ARHGEF3: variants seen among roughly 807,000 people sequenced by gnomAD.
ARHGEF3 encodes the protein Rho guanine nucleotide exchange factor 3.
A neutral mutation model predicts 63.2 loss-of-function variants in ARHGEF3; 28 were observed. The ratio of observed to expected loss-of-function variants is 0.44; its 90% CI spans 0.33 to 0.61. The LOEUF (loss-of-function observed/expected upper bound fraction) is 0.61, where lower values mean the gene tolerates loss of function less well. Among genes scored for constraint, ARHGEF3 ranks in the 20% least tolerant of loss-of-function variants. The pLI is 0.03. For synonymous variants in ARHGEF3, 266 were observed against 254.2 expected, an observed-to-expected ratio of 1.05 and a Z score of -0.44; for missense variants, 533 against 659.3, an observed-to-expected ratio of 0.81 and a Z score of 2.10.
chr3:56,888,044 A>C (rs2040980831), intron 3 of ARHGEF3, among the ~76,000 whole-genome samples: 2 of 151,662 alleles, frequency 1.3e-5, no homozygotes, highest in African/African-American at 4.9e-5. Context: ...TCAACCTCAA[A>C]TCTCCTTGGA....
intron 1 of ARHGEF3, among the ~76,000 whole-genome samples, chr3:56,790,556 C>T (rs1240267952): frequency 6.6e-6 from 1 of 152,188 alleles, no homozygotes; most frequent in Non-Finnish European, 1.5e-5. Flanking sequence ...GAGCCACTTC[C>T]ACCCCTCCCC....
At chr3:56,923,338 C>G (rs1469948186) in intron 3 of ARHGEF3, among the ~76,000 whole-genome samples, 1 of 149,258 alleles carries the variant, frequency 6.7e-6, no homozygotes, top group Non-Finnish European at 1.5e-5. Flanking sequence ...GACAAAGGCA[C>G]AGTAATAATT....
At chr3:56,758,999 A>C (rs1036866250) in intron 2 of ARHGEF3, among the ~76,000 whole-genome samples, 1 of 152,162 alleles carries the variant, frequency 6.6e-6, no homozygotes, top group Non-Finnish European at 1.5e-5. Flanking sequence ...TCCCCCTACC[A>C]GTTTGAAAAT....
chr3:56,733,331 C>G (rs746581707), intron 8 of ARHGEF3, among the ~76,000 whole-genome samples: 18 of 3,348 alleles, frequency 5.4e-3, no homozygotes, highest in South Asian at 0.01. Context: ...GTGGGCGGGG[C>G]GGGGGGGGGG....
intron 3 of ARHGEF3, among the ~76,000 whole-genome samples, chr3:56,937,912 C>T (rs995723368): frequency 2.0e-5 from 3 of 152,196 alleles, no homozygotes; most frequent in Non-Finnish European, 2.9e-5. Flanking sequence ...ACACTTAACA[C>T]AAATTTTCAT....
chr3:57,079,231 C>T (rs1706351811), exon 1 of ARHGEF3: 2 of 397,484 alleles, frequency 5.0e-6, no homozygotes, highest in African/African-American at 2.1e-5. Context: ...CTCACCTCGA[C>T]CCCCGCGCTG....
rs1449508432 is a variant in ARHGEF3 at position 56,831,808 on chromosome 3, G to T, written c.192+50484C>A. Among the ~76,000 whole-genome samples, 5 of 152,228 alleles carry T rather than the reference G, an allele frequency of 3.3e-5. No homozygotes were observed. In the East Asian group the frequency reaches 7.7e-4, roughly 23 times the overall value. ...CAGTTCCACATCAACCAGTTACCAT[G>T]TTGACAGAAACAGAAATGGCTCTCT... On this transcript the variant is annotated intron_variant, in intron 4 of 12. Coordinates refer to the ARHGEF3 transcript ENST00000338458.
intron 3 of ARHGEF3, among the ~76,000 whole-genome samples, chr3:56,889,944 C>CATAG (rs965907312): frequency 2.9e-4 from 44 of 152,178 alleles, no homozygotes; most frequent in Admixed American, 9.2e-4. Flanking sequence ...CGCCTGTAAT[C>CATAG]ATAGCTATCC....
At chr3:56,965,487 A>C (rs1392747458) in intron 2 of ARHGEF3, among the ~76,000 whole-genome samples, 1 of 152,118 alleles carries the variant, frequency 6.6e-6, no homozygotes, top group Non-Finnish European at 1.5e-5. Context: ...AAAAACAAAA[A>C]CCAGATCATT....
chr3:56,827,159 GAAC>G (rs1265963167), intron 4 of ARHGEF3, among the ~76,000 whole-genome samples: 1 of 152,044 alleles, frequency 6.6e-6, no homozygotes, highest in African/African-American at 2.4e-5. Flanking sequence ...TGGCAAACAA[GAAC>G]AACAATGAAA....
intron 4 of ARHGEF3, among the ~76,000 whole-genome samples, chr3:56,824,264 T>G (rs939984409): frequency 6.6e-6 from 1 of 152,158 alleles, no homozygotes; most frequent in African/African-American, 2.4e-5. Flanking sequence ...AAAATGTCAG[T>G]GATAAAAATG....
At chr3:56,828,491 G>A (rs950678059) in intron 4 of ARHGEF3, among the ~76,000 whole-genome samples, 1 of 152,044 alleles carries the variant, frequency 6.6e-6, no homozygotes, top group Non-Finnish European at 1.5e-5. Flanking sequence ...CCAAGACTGC[G>A]CCACTGGACT....
chr3:57,011,152 G>A (rs966398234), intron 2 of ARHGEF3, among the ~76,000 whole-genome samples: 5 of 152,156 alleles, frequency 3.3e-5, no homozygotes, highest in African/African-American at 7.2e-5. Flanking sequence ...AACTGGGACC[G>A]GAATGCAGCC....
chr3:56,822,451 A>C (rs956840882), intron 4 of ARHGEF3, among the ~76,000 whole-genome samples: 1 of 152,232 alleles, frequency 6.6e-6, no homozygotes, highest in Non-Finnish European at 1.5e-5. Flanking sequence ...GCAAAATGGG[A>C]ACATGCTAAG....
At chr3:57,002,871 TC>T (rs1702313822) in intron 2 of ARHGEF3, among the ~76,000 whole-genome samples, 1 of 150,686 alleles carries the variant, frequency 6.6e-6, no homozygotes. Flanking sequence ...CCTCCCGGGT[TC>T]AAGCGATTCT....
intron 4 of ARHGEF3, among the ~76,000 whole-genome samples, chr3:56,818,092 G>T (rs980389574): frequency 6.6e-6 from 1 of 152,168 alleles, no homozygotes. Flanking sequence ...GAGAGGTTAG[G>T]GATAAAAGAG....
intron 3 of ARHGEF3, among the ~76,000 whole-genome samples, chr3:56,903,032 A>T (rs1375401092): frequency 6.6e-6 from 1 of 151,706 alleles, no homozygotes; most frequent in East Asian, 1.9e-4. Flanking sequence ...GGGAAGCAGA[A>T]TACAGAATTT....
At chr3:56,925,148 G>A (rs2042243839) in intron 3 of ARHGEF3, among the ~76,000 whole-genome samples, 1 of 152,256 alleles carries the variant, frequency 6.6e-6, no homozygotes, top group African/African-American at 2.4e-5. Flanking sequence ...ACCCCATTCT[G>A]CGAGGGTGGT....
At chr3:57,054,770 C>T (rs1332519861) in intron 1 of ARHGEF3, among the ~76,000 whole-genome samples, 1 of 151,474 alleles carries the variant, frequency 6.6e-6, no homozygotes, top group African/African-American at 2.4e-5. Flanking sequence ...CCTGCCTTAG[C>T]CTCCCGAGTA....
Sources: allele counts gnomAD v4.1 joint callset (sites outside exome capture counted in the v4.1 genomes callset), GRCh38; gene constraint gnomAD v4.1.1; transcripts MANE v1.5; gene names NCBI Gene and HGNC (gene_info 2026-07-23, HGNC 2026-07-21).